Variants in CTNNA2 observed in about 807,000 individuals in gnomAD.
CTNNA2 encodes catenin alpha 2.
CTNNA2 carries 42 observed loss-of-function variants against 101.0 expected under a neutral mutation model. The observed-to-expected ratio is 0.42, with a 90% confidence interval of 0.32 to 0.54. The LOEUF (loss-of-function observed/expected upper bound fraction) is 0.54, where lower values mean the gene tolerates loss of function less well. Ranked by LOEUF, CTNNA2 falls within the 20% of genes least tolerant of loss-of-function variation. The pLI, the probability that CTNNA2 is intolerant of heterozygous loss-of-function variation, is 0.14. For missense variants in CTNNA2, 871 were observed against 1,223.1 expected (o/e 0.71, Z 4.29); for synonymous variants, 450 against 456.4 (o/e 0.99, Z 0.18).
At chr2:80,276,654 AAGG>A (rs199578560) in intron 7 of CTNNA2, among the ~76,000 whole-genome samples, 3,088 of 151,532 alleles carry the variant, frequency 0.02, 39 homozygotes, top group East Asian at 0.042. Flanking sequence ...AGAGGAGGAG[AAGG>A]AGGAGGAGGA....
intron 3 of CTNNA2, among the ~76,000 whole-genome samples, chr2:79,847,085 A>T (rs1210192806): frequency 6.6e-6 from 1 of 152,224 alleles, no homozygotes; most frequent in Non-Finnish European, 1.5e-5. Flanking sequence ...CCTCAGCATT[A>T]GTTCTCAGGC....
At chr2:79,806,158 A>G (rs1442561648) in intron 3 of CTNNA2, among the ~76,000 whole-genome samples, 1 of 152,036 alleles carries the variant, frequency 6.6e-6, no homozygotes, top group Non-Finnish European at 1.5e-5. Context: ...AGTTAACTCT[A>G]ATTTATTATG....
chr2:80,211,312 A>G (rs1707875974), intron 7 of CTNNA2, among the ~76,000 whole-genome samples: 2 of 152,140 alleles, frequency 1.3e-5, no homozygotes, highest in Non-Finnish European at 2.9e-5. Flanking sequence ...CCTGAATGGT[A>G]TTGCCTAGGT....
At chr2:79,924,184 G>A (rs1203337428) in intron 7 of CTNNA2, among the ~76,000 whole-genome samples, 2 of 152,094 alleles carry the variant, frequency 1.3e-5, no homozygotes, top group Non-Finnish European at 2.9e-5. Context: ...GAACCTGGAG[G>A]TGTAACTGCT....
chr2:80,494,626 G>T (rs573374135), intron 9 of CTNNA2, among the ~76,000 whole-genome samples: 1 of 134,824 alleles, frequency 7.4e-6, no homozygotes, highest in Non-Finnish European at 1.7e-5. Context: ...GTGGAAAAGA[G>T]ATTAGAATTA....
Position 79,831,847 on chromosome 2 carries a change from T to A in CTNNA2, c.299-26166T>A, listed in dbSNP as rs1197197868. The stretch of plus-strand genomic sequence containing the variant: ...TTATTTGTATTTCCTGCTTAGTTAT[T>A]TTGGCCTCTAAATCGTTACAAATAA... On this transcript the variant is annotated intron_variant, in intron 3 of 18. Coordinates refer to ENST00000402739, the MANE Select transcript of CTNNA2 (RefSeq NM_001282597.3). Among the ~76,000 whole-genome samples, 7 of 141,980 alleles carry A rather than the reference T, an allele frequency of 4.9e-5. No homozygotes were observed. The East Asian group carries it at 1.4e-3, about 28-fold the overall frequency. 93.1% of individuals were successfully genotyped at this position (141,980 alleles called of 152,430 possible).
At chr2:79,903,408 T>A (rs2104290790) in intron 6 of CTNNA2, among the ~76,000 whole-genome samples, 1 of 152,082 alleles carries the variant, frequency 6.6e-6, no homozygotes, top group Middle Eastern at 3.4e-3. Flanking sequence ...CCAAACAGGA[T>A]TATGTCACTC....
chr2:79,680,384 G>A (rs978326874), intron 2 of CTNNA2, among the ~76,000 whole-genome samples: 12 of 152,072 alleles, frequency 7.9e-5, no homozygotes, highest in Non-Finnish European at 2.9e-5. Context: ...GGCCTCTCAG[G>A]AGGGGAGGGG....
chr2:79,967,276 C>T (rs1002275957), intron 7 of CTNNA2, among the ~76,000 whole-genome samples: 3 of 152,152 alleles, frequency 2.0e-5, no homozygotes, highest in African/African-American at 7.2e-5. Flanking sequence ...ATCCTCATCT[C>T]AGTGTGTGCA....
Position 80,303,072 on chromosome 2 carries a change from T to G in CTNNA2, c.1057-90139T>G, listed in dbSNP as rs370564209. On this transcript the variant is annotated intron_variant, in intron 7 of 18. Coordinates refer to ENST00000402739, the MANE Select transcript of CTNNA2 (RefSeq NM_001282597.3). The surrounding 1 kb of genome is among the most constrained non-coding windows in gnomAD (Gnocchi z 7.7). ...AGGTTCCAAACCCAGTCCAGCGAGC[T>G]GACCACAATGGCCACCTTGTTCCTC... 6.2e-7 allele frequency: 1 copy of G among 1,613,844 alleles called. No homozygotes were observed. The highest frequency in any genetic ancestry group is 8.5e-7 in the Non-Finnish European group (1 of 1,179,962).
intron 7 of CTNNA2, among the ~76,000 whole-genome samples, chr2:80,126,672 C>T (rs1702152216): frequency 7.3e-6 from 1 of 137,664 alleles, no homozygotes; most frequent in East Asian, 2.3e-4. Context: ...TCCTTCCTCA[C>T]TCCCTCCCTT....
intron 15 of CTNNA2, among the ~76,000 whole-genome samples, chr2:80,603,082 G>GCTCAC (rs1275519799): frequency 3.9e-5 from 6 of 151,904 alleles, no homozygotes; most frequent in Non-Finnish European, 8.8e-5. Context: ...TTTCTGTACA[G>GCTCAC]CTCACCACAT....
chr2:79,914,223 T>G (rs1686026810), intron 7 of CTNNA2, among the ~76,000 whole-genome samples: 1 of 151,198 alleles, frequency 6.6e-6, no homozygotes, highest in Admixed American at 6.6e-5. Flanking sequence ...CTGGACACTC[T>G]GCTAGACAGA....
chr2:79,332,338 A>G lies in CTNNA2; in HGVS notation c.-318+19542A>G, dbSNP rs187732586. ...AAAGACGATGGCCAACACTTCTGGA[A>G]TTAAGCAATGTAATCAGTAAGAAAT... On this transcript the variant is annotated intron_variant, in intron 3 of 21. Coordinates refer to the CTNNA2 transcript ENST00000466387. Among the ~76,000 whole-genome samples, 68 of 152,010 alleles carry G rather than the reference A, an allele frequency of 4.5e-4. 1 individual carries two copies. Among genetic ancestry groups the G allele is most frequent in the Middle Eastern group, 3.4e-3 (1 of 292 alleles).
rs969995878 is a variant in CTNNA2, at chr2:79,970,017, G to A, written c.1056+60220G>A. ...ACTCCCACCACCTGTGAAAGCGACT[G>A]ATATTCTACTGTTACTACATGTGAA... On this transcript the variant is annotated intron_variant, in intron 7 of 18. Transcript: ENST00000402739. 3.9e-5 allele frequency among the ~76,000 whole-genome samples: 6 copies of A among 152,274 alleles called. No individual in the cohort carries two copies. The East Asian group carries it at 1.2e-3, about 29-fold the overall frequency.
At chr2:80,410,051 G>A (rs1185626794) in intron 8 of CTNNA2, among the ~76,000 whole-genome samples, 3 of 152,188 alleles carry the variant, frequency 2.0e-5, no homozygotes, top group Admixed American at 6.5e-5. Flanking sequence ...CTAGTTGACT[G>A]GGGAGAGATA....
At chr2:80,126,634 C>CCCTTCCTTCCTTCCTTCCTT (rs1178536900) in intron 7 of CTNNA2, among the ~76,000 whole-genome samples, 11 of 26,202 alleles carry the variant, frequency 4.2e-4, no homozygotes, top group African/African-American at 1.8e-3. Context: ...CTCCCTCCCT[C>CCCTTCCTTCCTTCCTTCCTT]CCTTCCTTCC....
intron 7 of CTNNA2, among the ~76,000 whole-genome samples, chr2:80,392,748 A>G (rs1677631774): frequency 6.6e-6 from 1 of 152,238 alleles, no homozygotes; most frequent in Admixed American, 6.5e-5. Flanking sequence ...AGAAGTTGCA[A>G]TATGGCTTAA....
At chr2:79,467,806 C>A (rs549027296) in intron 4 of CTNNA2, among the ~76,000 whole-genome samples, 21 of 152,274 alleles carry the variant, frequency 1.4e-4, no homozygotes, top group African/African-American at 4.8e-4. Context: ...GAACTAAAAT[C>A]CTTTACAGAC....
Sources: allele counts gnomAD v4.1 joint callset (sites outside exome capture counted in the v4.1 genomes callset), GRCh38; gene constraint gnomAD v4.1.1; non-coding constraint Gnocchi (gnomAD v3.1); transcripts MANE v1.5; gene names NCBI Gene and HGNC (gene_info 2026-07-23, HGNC 2026-07-21).